The following CPED1 variants were observed in gnomAD, a reference collection of about 807,000 sequenced individuals.
The protein encoded by CPED1 is cadherin like and PC-esterase domain containing 1, also known as cadherin-like and PC-esterase domain-containing protein 1.
In CPED1, 114 loss-of-function variants were observed where a neutral mutation model predicts 128.2. That is an observed-to-expected ratio of 0.89 (90% CI 0.76 to 1.04). The LOEUF (loss-of-function observed/expected upper bound fraction) is 1.04. CPED1 is among the 50% of genes least tolerant of loss of function. The pLI, the probability that CPED1 is intolerant of heterozygous loss-of-function variation, is 0.00. For synonymous variants in CPED1, 462 were observed against 426.7 expected (o/e 1.08, Z -1.02); for missense variants, 1,211 against 1,207.1 (o/e 1.00, Z -0.05).
At chr7:121,125,237 AATAG>A (rs1470372886) in intron 8 of CPED1, among the ~76,000 whole-genome samples, 7 of 152,210 alleles carry the variant, frequency 4.6e-5, no homozygotes, top group African/African-American at 1.7e-4. Context: ...GAAAATTAAC[AATAG>A]TGATTATTAA....
chr7:121,134,254 G>A (rs1190700094), intron 13 of CPED1, among the ~76,000 whole-genome samples: 3 of 152,038 alleles, frequency 2.0e-5, no homozygotes, highest in Non-Finnish European at 4.4e-5. Flanking sequence ...AGCCACAAAA[G>A]AGAAAGAAAT....
chr7:121,035,277 C>A (rs1363257760), intron 3 of CPED1, among the ~76,000 whole-genome samples: 2 of 152,012 alleles, frequency 1.3e-5, no homozygotes, highest in African/African-American at 4.8e-5. Flanking sequence ...AAGAGAATAA[C>A]TCTGACTATA....
intron 16 of CPED1, among the ~76,000 whole-genome samples, chr7:121,226,405 G>A (rs911320503): frequency 6.6e-6 from 1 of 151,990 alleles, no homozygotes; most frequent in African/African-American, 2.4e-5. Context: ...TCTTGGAATG[G>A]ATGTCCTCCA....
At chr7:121,021,786 C>T (rs1233545170) in intron 3 of CPED1, among the ~76,000 whole-genome samples, 2 of 151,836 alleles carry the variant, frequency 1.3e-5, no homozygotes, top group African/African-American at 2.4e-5. Context: ...TAGTAATCAC[C>T]CCATAAACGG....
chr7:121,144,921 A>G (rs1029803446), intron 16 of CPED1, among the ~76,000 whole-genome samples: 3 of 152,166 alleles, frequency 2.0e-5, no homozygotes, highest in African/African-American at 7.2e-5. Context: ...AAACTAATCT[A>G]TGTTTATAGA....
At chr7:121,279,620 T>A (rs953564169) in intron 22 of CPED1, among the ~76,000 whole-genome samples, 9 of 152,122 alleles carry the variant, frequency 5.9e-5, no homozygotes, top group Non-Finnish European at 1.2e-4. Flanking sequence ...TCAGATCCTA[T>A]GCTGAAAAAG....
chr7:121,133,887 A>G lies in CPED1; in HGVS notation c.1642A>G (p.Lys548Glu). 6.5e-7 allele frequency: 1 copy of G among 1,546,766 alleles called. No individual in the cohort carries two copies. The highest frequency in any genetic ancestry group is 8.9e-7 in the Non-Finnish European group (1 of 1,126,996). Residue 548 changes from lysine to glutamate, a missense_variant, in exon 13 of 23, where the codon AAA becomes GAA. Coordinates refer to ENST00000310396, the MANE Select transcript of CPED1 (RefSeq NM_024913.5). ...AGTGCCATTTGATGCAATAGAAAATAAAAAAGGTAAAAATATAGATATTCC... is the reference window on the plus strand; with the variant it reads ...AGTGCCATTTGATGCAATAGAAAATGAAAAAGGTAAAAATATAGATATTCC... ...PQVPFDAIEN[K>E]KAAVPQIKNE...
intron 18 of CPED1, among the ~76,000 whole-genome samples, chr7:121,246,098 TC>T (rs1175610028): frequency 6.6e-6 from 1 of 152,192 alleles, no homozygotes; most frequent in East Asian, 1.9e-4. Flanking sequence ...GCCAGACTTC[TC>T]TAAGCTCAGA....
chr7:121,186,412 C>T (rs981767749), intron 16 of CPED1, among the ~76,000 whole-genome samples: 1 of 152,084 alleles, frequency 6.6e-6, no homozygotes, highest in Admixed American at 6.6e-5. Flanking sequence ...GTCCTCATAG[C>T]TCTATTTGAA....
At chr7:121,185,025 C>A (rs956774192) in intron 16 of CPED1, among the ~76,000 whole-genome samples, 5 of 152,016 alleles carry the variant, frequency 3.3e-5, no homozygotes, top group African/African-American at 4.8e-5. Context: ...AATCACACAC[C>A]AGCTTTCAGC....
chr7:121,117,001 C>T (rs937362145), intron 7 of CPED1, among the ~76,000 whole-genome samples: 1 of 147,274 alleles, frequency 6.8e-6, no homozygotes, highest in African/African-American at 2.5e-5. Flanking sequence ...CATATATATA[C>T]ACACACACAT....
intron 18 of CPED1, among the ~76,000 whole-genome samples, chr7:121,246,470 C>T (rs565755549): frequency 3.9e-5 from 6 of 152,298 alleles, no homozygotes; most frequent in African/African-American, 9.6e-5. Context: ...GGATAGCCCT[C>T]TTCCTGGCTT....
chr7:121,120,557 C>T (rs933377034), intron 7 of CPED1, among the ~76,000 whole-genome samples: 25 of 152,224 alleles, frequency 1.6e-4, no homozygotes, highest in African/African-American at 3.9e-4. Flanking sequence ...TACTTTAGTA[C>T]GGTACAGTGC....
At chr7:121,042,881 A>G (rs1166873412) in intron 3 of CPED1, among the ~76,000 whole-genome samples, 1 of 152,202 alleles carries the variant, frequency 6.6e-6, no homozygotes, top group African/African-American at 2.4e-5. Flanking sequence ...TATTCTAAAG[A>G]GCAAGGCTAA....
At position 121,296,570 on chromosome 7, in the gene CPED1, C is replaced by T. The variant is rs1792827609; in HGVS notation, c.*918C>T. ...TCTGAAATGCATAGGTGCTTTTTCC[C>T]ACCAAGCATTTGCATATGTCCACAA... On this transcript the variant is annotated 3_prime_UTR_variant, in exon 23 of 23. Coordinates refer to ENST00000310396, the MANE Select transcript of CPED1 (RefSeq NM_024913.5). The T allele has an allele frequency of 6.6e-6, 1 of 152,026 alleles. No individual in the cohort carries two copies. The highest frequency in any genetic ancestry group is 1.5e-5 in the Non-Finnish European group (1 of 67,946). 9.4% of individuals were successfully genotyped at this position (152,026 alleles called of 1,614,324 possible).
At chr7:121,258,752 C>G (rs1453578337) in intron 18 of CPED1, among the ~76,000 whole-genome samples, 2 of 152,032 alleles carry the variant, frequency 1.3e-5, no homozygotes, top group Non-Finnish European at 2.9e-5. Flanking sequence ...CCTAAATACA[C>G]AGTTTTAACA....
chr7:121,110,017 A>T (rs1795068512), intron 7 of CPED1, among the ~76,000 whole-genome samples: 1 of 152,180 alleles, frequency 6.6e-6, no homozygotes, highest in Non-Finnish European at 1.5e-5. Flanking sequence ...ATAGCACTGG[A>T]TATGCAGGAA....
intron 7 of CPED1, among the ~76,000 whole-genome samples, chr7:121,114,222 G>T (rs563320811): frequency 6.6e-6 from 1 of 152,140 alleles, no homozygotes; most frequent in Non-Finnish European, 1.5e-5. Flanking sequence ...TAGTGAAGAC[G>T]ACAGAACTAA....
chr7:121,290,052 C>A (rs564862068), intron 22 of CPED1, among the ~76,000 whole-genome samples: 6 of 152,050 alleles, frequency 3.9e-5, no homozygotes, highest in Non-Finnish European at 7.3e-5. Flanking sequence ...TGAGACCATG[C>A]GGTGTTTGGT....
Sources: allele counts gnomAD v4.1 joint callset (sites outside exome capture counted in the v4.1 genomes callset), GRCh38; gene constraint gnomAD v4.1.1; transcripts MANE v1.5; gene names NCBI Gene and HGNC (gene_info 2026-07-23, HGNC 2026-07-21).